Variants in PTPRM observed in about 807,000 individuals in gnomAD.
PTPRM encodes receptor-type tyrosine-protein phosphatase mu.
In PTPRM, 47 loss-of-function variants were observed where a neutral mutation model predicts 186.7. The ratio of observed to expected loss-of-function variants is 0.25; its 90% CI spans 0.20 to 0.32. The LOEUF is 0.32. Among genes scored for constraint, PTPRM ranks in the 10% least tolerant of loss-of-function variants. The probability of loss-of-function intolerance (pLI) is 1.00; values close to 1 mark genes in which losing one functional copy is unlikely to be tolerated. For synonymous variants in PTPRM, 668 were observed against 674.9 expected (o/e 0.99, Z 0.16); for missense variants, 1,494 against 1,865.0 (o/e 0.80, Z 3.66).
At chr18:8,085,634 G>C in intron 9 of PTPRM, 37 bp from the exon 10 acceptor site, 1 of 1,527,792 alleles carries the variant, frequency 6.5e-7, no homozygotes, top group Non-Finnish European at 9.1e-7. Flanking sequence ...GAGTCCATCT[G>C]CTCCAGATAT....
intron 1 of PTPRM, among the ~76,000 whole-genome samples, chr18:7,591,934 AG>A (rs1469659590): frequency 1.3e-5 from 2 of 152,178 alleles, no homozygotes. Context: ...TACCAACCTC[AG>A]GGGGCTCTCC....
intron 1 of PTPRM, among the ~76,000 whole-genome samples, chr18:7,694,907 G>C (rs527406396): frequency 6.6e-6 from 1 of 152,258 alleles, no homozygotes; most frequent in East Asian, 1.9e-4. Flanking sequence ...CAGAAACAAA[G>C]CTTTATTGAA....
At chr18:7,763,697 T>A (rs760961711) in intron 1 of PTPRM, among the ~76,000 whole-genome samples, 2 of 152,218 alleles carry the variant, frequency 1.3e-5, no homozygotes, top group Non-Finnish European at 2.9e-5. Flanking sequence ...CCAATGAATA[T>A]AATGTGTAGA....
intron 1 of PTPRM, among the ~76,000 whole-genome samples, chr18:7,732,218 T>A (rs1568060916): frequency 6.6e-6 from 1 of 152,186 alleles, no homozygotes; most frequent in Admixed American, 6.5e-5. Flanking sequence ...TCCCCAGCCC[T>A]GGCCATCACA....
intron 1 of PTPRM, among the ~76,000 whole-genome samples, chr18:7,735,821 T>C (rs1047464991): frequency 6.6e-6 from 1 of 151,700 alleles, no homozygotes; most frequent in Non-Finnish European, 1.5e-5. Context: ...CTTCCACAAC[T>C]TCCCTTATCT....
At chr18:8,088,934 A>T in intron 11 of PTPRM, 83 bp downstream of exon 11, 1 of 1,062,986 alleles carries the variant, frequency 9.4e-7, no homozygotes, top group South Asian at 1.4e-5. Context: ...TTTTCTAGGG[A>T]TTTGCTGCAA....
chr18:8,259,461 G>A (rs1390881648), intron 19 of PTPRM, among the ~76,000 whole-genome samples: 1 of 151,982 alleles, frequency 6.6e-6, no homozygotes, highest in Non-Finnish European at 1.5e-5. Context: ...CTCCTTTTAG[G>A]TCTTTTTTAA....
chr18:7,716,822 G>A lies in PTPRM; in HGVS notation c.74-57327G>A, dbSNP rs138662741. ...AGAATGGCAATCATTAAAAAGTCAGGAAATAACAGATGCTGGAGAGAATGT... is the reference window on the plus strand; with the variant it reads ...AGAATGGCAATCATTAAAAAGTCAGAAAATAACAGATGCTGGAGAGAATGT... On this transcript the variant is annotated intron_variant, in intron 1 of 32. Coordinates refer to ENST00000580170, the MANE Select transcript of PTPRM (RefSeq NM_001105244.2). Among the ~76,000 whole-genome samples, 751 of 152,250 alleles carry A rather than the reference G, an allele frequency of 4.9e-3. 5 individuals are homozygous for A. Among genetic ancestry groups the A allele is most frequent in the Non-Finnish European group, 8.2e-3 (559 of 68,014 alleles).
At chr18:8,098,905 C>T (rs2091144837) in intron 11 of PTPRM, among the ~76,000 whole-genome samples, 1 of 152,146 alleles carries the variant, frequency 6.6e-6, no homozygotes, top group African/African-American at 2.4e-5. Flanking sequence ...CAGTGTCTCC[C>T]TATTGCCTTC....
intron 32 of PTPRM, among the ~76,000 whole-genome samples, chr18:8,400,455 C>T (rs887313017): frequency 5.3e-5 from 8 of 152,244 alleles, no homozygotes; most frequent in African/African-American, 1.9e-4. Context: ...GTGCACAGGC[C>T]TGCCCCAGCC....
At chr18:7,787,817 T>C (rs1207770429) in intron 2 of PTPRM, among the ~76,000 whole-genome samples, 8 of 152,244 alleles carry the variant, frequency 5.3e-5, no homozygotes, top group Non-Finnish European at 1.5e-5. Context: ...GTGGGTAATA[T>C]CTACTTCTAT....
rs1339655181 is a variant in PTPRM at position 8,406,680 on chromosome 18, T to C, written c.*518T>C. ...AATGAACAAAGATATGTTGTATGAG[T>C]CGTCGTTTCTGTCAGATTTGTATTG... On this transcript the variant is annotated 3_prime_UTR_variant, in exon 33 of 33. Transcript: ENST00000580170. The C allele has an allele frequency of 6.5e-6, 1 of 153,250 alleles. No individual in the cohort carries two copies. The highest frequency in any genetic ancestry group is 2.4e-5 in the African/African-American group (1 of 41,446). The allele number at this position is 153,250 out of a possible 1,614,324, so 9.5% of individuals were successfully genotyped here.
At chr18:8,112,419 CT>C (rs1568360701) in intron 11 of PTPRM, among the ~76,000 whole-genome samples, 1 of 152,176 alleles carries the variant, frequency 6.6e-6, no homozygotes, top group East Asian at 1.9e-4. Flanking sequence ...CAGCCCTCTT[CT>C]GTGCTTTTTC....
intron 5 of PTPRM, among the ~76,000 whole-genome samples, chr18:7,934,068 G>A (rs748269470): frequency 6.6e-6 from 1 of 152,036 alleles, no homozygotes; most frequent in African/African-American, 2.4e-5. Flanking sequence ...AAACGTTATA[G>A]ACATACACCT....
chr18:7,612,963 T>A (rs2037712854), intron 1 of PTPRM, among the ~76,000 whole-genome samples: 1 of 152,122 alleles, frequency 6.6e-6, no homozygotes, highest in South Asian at 2.1e-4. Context: ...TCTCTCTCCA[T>A]GAACAGTTTA....
chr18:7,896,398 A>G (rs1362442068), intron 3 of PTPRM, among the ~76,000 whole-genome samples: 1 of 152,196 alleles, frequency 6.6e-6, no homozygotes, highest in Non-Finnish European at 1.5e-5. Context: ...CAGAAGCCTC[A>G]GCTCCTACCC....
chr18:7,777,644 A>G (rs2042654666), intron 2 of PTPRM, among the ~76,000 whole-genome samples: 3 of 152,240 alleles, frequency 2.0e-5, no homozygotes, highest in Admixed American at 2.0e-4. Context: ...AATTATTAAT[A>G]TACAAACATT....
rs1025652668 is a variant in PTPRM, at chr18:7,641,586, G to C, written c.73+73695G>C. 2.6e-5 allele frequency among the ~76,000 whole-genome samples: 4 copies of C among 152,282 alleles called. No homozygotes were observed. The Middle Eastern group carries it at 0.014, about 518-fold the overall frequency. On this transcript the variant is annotated intron_variant, in intron 1 of 32. Coordinates refer to ENST00000580170, the MANE Select transcript of PTPRM (RefSeq NM_001105244.2). ...GTGGCATGAATCCCAAGAAGTGGGCGGTTGCCCACAGCTGTACTTCTGTCT... is the reference window on the plus strand; with the variant it reads ...GTGGCATGAATCCCAAGAAGTGGGCCGTTGCCCACAGCTGTACTTCTGTCT...
chr18:8,048,585 TAA>T (rs5822990), intron 7 of PTPRM, among the ~76,000 whole-genome samples: 3 of 144,972 alleles, frequency 2.1e-5, no homozygotes, highest in Non-Finnish European at 3.0e-5. Context: ...AAGTCTTTTT[TAA>T]AAAAAAAAAA....
Sources: gnomAD v4.1 joint callset for allele counts (sites outside exome capture counted in the v4.1 genomes callset) on GRCh38, gnomAD v4.1.1 for gene constraint, MANE v1.5 for transcripts, NCBI Gene and HGNC (gene_info 2026-07-23, HGNC 2026-07-21) for gene names.